The following RANBP2 variants were observed in gnomAD, a reference collection of about 807,000 sequenced individuals.
RANBP2 encodes E3 SUMO-protein ligase RanBP2.
In RANBP2, 57 loss-of-function variants were observed where a neutral mutation model predicts 303.6. The ratio of observed to expected loss-of-function variants is 0.19; its 90% CI spans 0.15 to 0.23. The LOEUF (loss-of-function observed/expected upper bound fraction) is 0.23, where lower values mean the gene tolerates loss of function less well. RANBP2 is among the 10% of genes least tolerant of loss of function. The pLI, the probability that RANBP2 is intolerant of heterozygous loss-of-function variation, is 1.00. For missense variants in RANBP2, 3,138 were observed against 3,780.8 expected (o/e 0.83, Z 4.46); for synonymous variants, 1,167 against 1,301.5 (o/e 0.90, Z 2.23).
At chr2:109,414,436 G>A in the RANBP2 span, among the ~76,000 whole-genome samples, 1 of 152,082 alleles carries the variant, frequency 6.6e-6, no homozygotes, top group East Asian at 1.9e-4. Context: ...TTTTCAGGCA[G>A]GAGGGTAAAC....
the RANBP2 span, among the ~76,000 whole-genome samples, chr2:109,068,556 C>T: frequency 6.6e-6 from 1 of 152,142 alleles, no homozygotes; most frequent in Non-Finnish European, 1.5e-5. Flanking sequence ...AAATGTTGGT[C>T]ATTATTATCA....
the RANBP2 span, among the ~76,000 whole-genome samples, chr2:109,699,973 C>T: frequency 9.8e-5 from 15 of 152,304 alleles, no homozygotes; most frequent in East Asian, 2.5e-3. Flanking sequence ...GCCTGTTGCT[C>T]AGTCTCTGAA....
At chr2:109,622,908 A>G in the RANBP2 span, among the ~76,000 whole-genome samples, 2 of 152,216 alleles carry the variant, frequency 1.3e-5, no homozygotes, top group African/African-American at 4.8e-5. Context: ...CAGGTGGATC[A>G]CCTGAGGTCA....
chr2:109,167,374 C>A, the RANBP2 span, among the ~76,000 whole-genome samples: 7 of 152,132 alleles, frequency 4.6e-5, no homozygotes, highest in Non-Finnish European at 8.8e-5. Flanking sequence ...CTCTCTGATG[C>A]CTGGACCATA....
the RANBP2 span, chr2:109,347,602 G>A: frequency 5.6e-5 from 87 of 1,549,536 alleles, no homozygotes; most frequent in Non-Finnish European, 7.6e-5. Context: ...GCCCCGGCCT[G>A]CCCCGGCAGA....
chr2:108,904,415 TAATC>T, the RANBP2 span, among the ~76,000 whole-genome samples: 11 of 152,234 alleles, frequency 7.2e-5, no homozygotes, highest in African/African-American at 2.7e-4. Flanking sequence ...TTTTTTAAAA[TAATC>T]AACCATGCAA....
At chr2:109,700,675 A>C in the RANBP2 span, among the ~76,000 whole-genome samples, 19 of 152,086 alleles carry the variant, frequency 1.2e-4, no homozygotes, top group Admixed American at 1.3e-4. Context: ...TTGGGGGTCC[A>C]AGATATTTTC....
chr2:109,173,210 T>C, the RANBP2 span, among the ~76,000 whole-genome samples: 3 of 152,212 alleles, frequency 2.0e-5, no homozygotes, highest in Admixed American at 6.5e-5. Context: ...TCATGGTTCT[T>C]AGAATTCTGT....
chr2:108,794,542 G>T, the RANBP2 span: 2 of 1,594,500 alleles, frequency 1.3e-6, no homozygotes, highest in African/African-American at 2.7e-5. Flanking sequence ...CTTTGCAGTT[G>T]CCTTGCCAAC....
the RANBP2 span, among the ~76,000 whole-genome samples, chr2:108,833,489 CAAAG>C: frequency 3.3e-5 from 5 of 152,130 alleles, no homozygotes; most frequent in Non-Finnish European, 7.3e-5. Flanking sequence ...GCAGGAACCT[CAAAG>C]AAGACAATGC....
chr2:109,411,523 G>A, the RANBP2 span, among the ~76,000 whole-genome samples: 12 of 152,310 alleles, frequency 7.9e-5, no homozygotes, highest in Middle Eastern at 3.4e-3. Flanking sequence ...GTTTGCATCC[G>A]TAGCAACAGA....
the RANBP2 span, among the ~76,000 whole-genome samples, chr2:109,699,243 A>G: frequency 1.8e-4 from 27 of 152,320 alleles, 1 homozygote; most frequent in Admixed American, 1.6e-3. Flanking sequence ...GCAGAGCTCC[A>G]AACGCCCTTT....
chr2:109,565,658 C>G, the RANBP2 span: 1 of 1,002,490 alleles, frequency 1.0e-6, no homozygotes, highest in Non-Finnish European at 1.6e-6. Context: ...ATTCCTCTGA[C>G]AACCAATCAC....
intron 6 of RANBP2, among the ~76,000 whole-genome samples, chr2:108,738,168 A>C (rs1405446903): frequency 1.3e-4 from 20 of 150,368 alleles, no homozygotes; most frequent in Admixed American, 1.3e-3. Context: ...CTCTGTTTCC[A>C]GGGTTCACGC....
At chr2:109,063,845 A>C in the RANBP2 span, among the ~76,000 whole-genome samples, 1 of 151,658 alleles carries the variant, frequency 6.6e-6, no homozygotes, top group Non-Finnish European at 1.5e-5. Flanking sequence ...CTGCAAAGAG[A>C]TTTTTTTCCC....
chr2:109,252,256 A>G, the RANBP2 span, among the ~76,000 whole-genome samples: 1 of 139,682 alleles, frequency 7.2e-6, no homozygotes, highest in Admixed American at 6.8e-5. Context: ...TCAGAGGAGA[A>G]AAAAAAAAAA....
chr2:109,111,715 C>T, the RANBP2 span, among the ~76,000 whole-genome samples: 1 of 150,270 alleles, frequency 6.7e-6, no homozygotes, highest in Non-Finnish European at 1.5e-5. Flanking sequence ...ATGTGCCATG[C>T]TGGTGTGCTG....
chr2:108,820,720 C>CAAAA, the RANBP2 span, among the ~76,000 whole-genome samples: 122,885 of 142,692 alleles, frequency 0.86, 53,044 homozygotes, highest in East Asian at 0.97. Flanking sequence ...AAAAAACAAA[C>CAAAA]AACAAAACTG....
At chr2:108,738,266 G>A (rs373840584) in intron 6 of RANBP2, among the ~76,000 whole-genome samples, 3 of 151,176 alleles carry the variant, frequency 2.0e-5, no homozygotes, top group East Asian at 3.9e-4. Flanking sequence ...TAGTAGAGAT[G>A]GGGTTTCACC....
Sources: gnomAD v4.1 joint callset for allele counts (sites outside exome capture counted in the v4.1 genomes callset) on GRCh38, gnomAD v4.1.1 for gene constraint, MANE v1.5 for transcripts, NCBI Gene and HGNC (gene_info 2026-07-23, HGNC 2026-07-21) for gene names.